The following TRPM6 variants were observed in gnomAD, a reference collection of about 807,000 sequenced individuals.
TRPM6 encodes transient receptor potential cation channel subfamily M member 6, also known as channel kinase 2.
Under a neutral mutation model 247.6 loss-of-function variants are expected in TRPM6, and 111 were observed. The observed-to-expected ratio is 0.45, with a 90% CI of 0.38 to 0.52. The LOEUF is 0.52. Among genes scored for constraint, TRPM6 ranks in the 20% least tolerant of loss-of-function variants. The probability of loss-of-function intolerance (pLI) is 0.00; values close to 1 mark genes in which losing one functional copy is unlikely to be tolerated. For missense variants in TRPM6, 2,126 were observed against 2,421.5 expected (o/e 0.88, Z 2.56); for synonymous variants, 892 against 853.8 (o/e 1.04, Z -0.78).
At chr9:74,809,552 T>TA (rs1828651411) in intron 13 of TRPM6, among the ~76,000 whole-genome samples, 1 of 152,224 alleles carries the variant, frequency 6.6e-6, no homozygotes, top group Non-Finnish European at 1.5e-5. Flanking sequence ...AGAACATATT[T>TA]AACCTAGTTC....
intron 21 of TRPM6, among the ~76,000 whole-genome samples, chr9:74,784,370 G>A (rs764971850): frequency 3.3e-5 from 5 of 152,050 alleles, no homozygotes; most frequent in African/African-American, 4.8e-5. Flanking sequence ...TTGAATCCTG[G>A]CTCCCCATAT....
intron 25 of TRPM6, among the ~76,000 whole-genome samples, chr9:74,767,458 T>A (rs1319087314): frequency 2.0e-5 from 3 of 151,506 alleles, no homozygotes; most frequent in African/African-American, 7.4e-5. Flanking sequence ...TATAGCAATC[T>A]CTTCTTCAGA....
chr9:74,877,819 G>T (rs1831238036), intron 1 of TRPM6, among the ~76,000 whole-genome samples: 1 of 152,116 alleles, frequency 6.6e-6, no homozygotes, highest in South Asian at 2.1e-4. Context: ...CTCCCCAGCA[G>T]CAGGGCCACA....
At chr9:74,877,286 T>A (rs1320880441) in intron 1 of TRPM6, among the ~76,000 whole-genome samples, 2 of 152,210 alleles carry the variant, frequency 1.3e-5, no homozygotes, top group Admixed American at 1.3e-4. Flanking sequence ...CATACCAGCA[T>A]AATTCATAAT....
Position 74,803,751 on chromosome 9 carries a change from A to C in TRPM6, c.1731+43T>G, listed in dbSNP as rs778531181. 9 of 1,409,968 alleles carry C rather than the reference A, an allele frequency of 6.4e-6. No individual in the cohort carries two copies. In the Admixed American group the frequency reaches 1.5e-4, roughly 24 times the overall value. 87.3% of individuals were successfully genotyped at this position (1,409,968 alleles called of 1,614,324 possible). A position where few individuals can be genotyped will look rare whatever the true frequency, so the allele number is the denominator to read the frequency against. On this transcript the variant is annotated intron_variant, in intron 15 of 38. Transcript: ENST00000360774. Reference sequence around the variant, plus strand: ...AAATGAAGAAACAGTCTCGAGCTGCAAAAAACATTTTCCTTTCAAGTTGAA... The same window carrying C: ...AAATGAAGAAACAGTCTCGAGCTGCCAAAAACATTTTCCTTTCAAGTTGAA...
intron 18 of TRPM6, 69 bp from the exon 19 acceptor site, chr9:74,792,839 C>A (rs1037407823): frequency 4.4e-6 from 6 of 1,376,904 alleles, no homozygotes; most frequent in South Asian, 1.2e-5. Flanking sequence ...CATGAACATC[C>A]AAAAAATATC....
intron 1 of TRPM6, among the ~76,000 whole-genome samples, chr9:74,877,627 C>T (rs1376595600): frequency 3.9e-5 from 6 of 152,190 alleles, no homozygotes; most frequent in African/African-American, 1.4e-4. Flanking sequence ...CCACTGTTTG[C>T]TGCTGCCTAC....
At chr9:74,807,286 A>G (rs1017708567) in intron 14 of TRPM6, among the ~76,000 whole-genome samples, 1 of 152,148 alleles carries the variant, frequency 6.6e-6, no homozygotes, top group African/African-American at 2.4e-5. Context: ...CCAGCAACAA[A>G]GGTCTCCTTG....
intron 7 of TRPM6, among the ~76,000 whole-genome samples, chr9:74,823,163 G>A (rs776856129): frequency 1.3e-5 from 2 of 152,128 alleles, no homozygotes; most frequent in Non-Finnish European, 2.9e-5. Flanking sequence ...ACTTTACTCT[G>A]AGCCCCATGT....
intron 38 of TRPM6, among the ~76,000 whole-genome samples, chr9:74,725,143 T>C (rs1825273171): frequency 1.3e-5 from 2 of 152,182 alleles, no homozygotes; most frequent in Admixed American, 1.3e-4. Context: ...CAGTTTTCTG[T>C]GACAAAAGCT....
chr9:74,834,274 G>A lies in TRPM6; in HGVS notation c.545-152C>T, dbSNP rs566721250. 1.5e-4 allele frequency: 123 copies of A among 839,398 alleles called. 1 individual carries two copies. The South Asian group carries it at 1.7e-3, about 12-fold the overall frequency. The allele number at this position is 839,398 out of a possible 1,614,324, so 52.0% of individuals were successfully genotyped here. On this transcript the variant is annotated intron_variant, in intron 5 of 38. Coordinates refer to ENST00000360774, the MANE Select transcript of TRPM6 (RefSeq NM_017662.5). ...CAGTGGAATTAGTTTCTGATACCTT[G>A]GCTTCCTCTATTCTTTCTAGACACA...
At chr9:74,879,858 A>G (rs1455997176) in intron 1 of TRPM6, among the ~76,000 whole-genome samples, 1 of 152,222 alleles carries the variant, frequency 6.6e-6, no homozygotes, top group Non-Finnish European at 1.5e-5. Context: ...CCGCCCCAGC[A>G]AAATTAATGA....
intron 27 of TRPM6, among the ~76,000 whole-genome samples, chr9:74,758,092 C>G (rs914030966): frequency 5.3e-5 from 8 of 152,182 alleles, no homozygotes; most frequent in South Asian, 2.1e-4. Context: ...AAAGCTCATT[C>G]AAGAAGAATT....
intron 19 of TRPM6, among the ~76,000 whole-genome samples, chr9:74,790,524 C>A (rs1827864322): frequency 6.6e-6 from 1 of 152,126 alleles, no homozygotes. Context: ...TATACTGATT[C>A]CTTATACTGG....
chr9:74,846,551 T>C (rs1219408049), intron 3 of TRPM6, among the ~76,000 whole-genome samples: 1 of 151,498 alleles, frequency 6.6e-6, no homozygotes, highest in Non-Finnish European at 1.5e-5. Flanking sequence ...ATTTTTTTTC[T>C]TTTTTTTGTG....
chr9:74,746,840 GT>G (rs1198156427), intron 31 of TRPM6, among the ~76,000 whole-genome samples: 1 of 151,532 alleles, frequency 6.6e-6, no homozygotes, highest in Non-Finnish European at 1.5e-5. Context: ...GGGGTGGGGA[GT>G]GGCGGGGGAG....
At chr9:74,828,741 G>A (rs1033480607) in intron 6 of TRPM6, among the ~76,000 whole-genome samples, 1 of 150,362 alleles carries the variant, frequency 6.7e-6, no homozygotes, top group Non-Finnish European at 1.5e-5. Context: ...CGATTCTCCT[G>A]CTTCAGCCTC....
rs147580476 is a variant in TRPM6, at chr9:74,814,143, G to A, written c.1309-1710C>T. 4.2e-3 allele frequency among the ~76,000 whole-genome samples: 636 copies of A among 152,210 alleles called. 4 individuals are homozygous for A. The highest frequency in any genetic ancestry group is 0.014 in the African/African-American group (602 of 41,530). ...TTCTGGATGCTAATGAAAAACATAGGGGAGGGTGCAATCAGGGAGCAAGTT... is the reference window on the plus strand; with the variant it reads ...TTCTGGATGCTAATGAAAAACATAGAGGAGGGTGCAATCAGGGAGCAAGTT... On this transcript the variant is annotated intron_variant, in intron 11 of 38. Transcript: ENST00000360774.
intron 25 of TRPM6, among the ~76,000 whole-genome samples, chr9:74,771,232 TA>T (rs1827024161): frequency 6.6e-6 from 1 of 152,218 alleles, no homozygotes; most frequent in Admixed American, 6.5e-5. Flanking sequence ...CCAGACCATC[TA>T]AACAGTCCAC....
Sources: gnomAD v4.1 joint callset for allele counts (sites outside exome capture counted in the v4.1 genomes callset) on GRCh38, gnomAD v4.1.1 for gene constraint, MANE v1.5 for transcripts, NCBI Gene and HGNC (gene_info 2026-07-23, HGNC 2026-07-21) for gene names.